The following INSR variants were observed in gnomAD, a reference collection of about 807,000 sequenced individuals.
The protein encoded by INSR is IR.
In INSR, 67 loss-of-function variants were observed where a neutral mutation model predicts 142.6. The ratio of observed to expected loss-of-function variants is 0.47; its 90% CI spans 0.39 to 0.58. The LOEUF (loss-of-function observed/expected upper bound fraction) is 0.58, where lower values mean the gene tolerates loss of function less well. INSR is among the 20% of genes least tolerant of loss of function. INSR has a pLI of 0.00. For missense variants in INSR, 1,248 were observed against 1,833.2 expected, an observed-to-expected ratio of 0.68 and a Z score of 5.83; for synonymous variants, 756 against 743.1, an observed-to-expected ratio of 1.02 and a Z score of -0.28.
chr19:7,184,684 A>G, intron 2 of INSR, 47 bp from the exon 3 acceptor site: 1 of 1,103,740 alleles, frequency 9.1e-7, no homozygotes, highest in South Asian at 2.1e-5. Flanking sequence ...ATAAATAAAT[A>G]AATAAATAAA....
intron 9 of INSR, among the ~76,000 whole-genome samples, chr19:7,153,494 A>ACACACTACATGCACACCT (rs1247806655): frequency 2.2e-4 from 26 of 116,326 alleles, no homozygotes; most frequent in Non-Finnish European, 3.0e-4. Context: ...CGCACCACAC[A>ACACACTACATGCACACCT]CACACACAGT....
intron 2 of INSR, among the ~76,000 whole-genome samples, chr19:7,217,768 C>T (rs1031595113): frequency 6.6e-6 from 1 of 152,204 alleles, no homozygotes; most frequent in African/African-American, 2.4e-5. Context: ...ACCGTGTTAG[C>T]CAGGATGGTC....
chr19:7,279,867 C>T (rs1021650966), intron 1 of INSR, among the ~76,000 whole-genome samples: 2 of 151,516 alleles, frequency 1.3e-5, no homozygotes, highest in Admixed American at 6.6e-5. Context: ...CCCAGCTACT[C>T]GGGAGGTTGA....
At chr19:7,260,912 G>A (rs535142236) in intron 2 of INSR, among the ~76,000 whole-genome samples, 16 of 149,538 alleles carry the variant, frequency 1.1e-4, no homozygotes, top group Non-Finnish European at 2.1e-4. Flanking sequence ...GAGTCTCACC[G>A]AGTCTCACTC....
rs1973933670 is a variant in INSR at position 7,168,294 on chromosome 19, C to T, written c.1484-200G>A. ...GGTAAGAGCCAGTTTTGCAACTTGGCCACTCACACTCACGTAAGCCAATGA... is the reference window on the plus strand; with the variant it reads ...GGTAAGAGCCAGTTTTGCAACTTGGTCACTCACACTCACGTAAGCCAATGA... On this transcript the variant is annotated intron_variant, in intron 6 of 21. Transcript: ENST00000302850. This position sits in a 1 kb window ranked among gnomAD's most constrained non-coding sequence, Gnocchi z 4.3. 6.6e-6 allele frequency among the ~76,000 whole-genome samples: 1 copy of T among 152,082 alleles called. No individual in the cohort carries two copies. The highest frequency in any genetic ancestry group is 2.4e-5 in the African/African-American group (1 of 41,402).
intron 2 of INSR, among the ~76,000 whole-genome samples, chr19:7,239,929 G>T (rs1349926628): frequency 1.3e-5 from 2 of 152,268 alleles, no homozygotes; most frequent in Non-Finnish European, 2.9e-5. Context: ...AGATCGCAGA[G>T]TTTTTTGTTT....
chr19:7,207,589 A>C (rs1464207041), intron 2 of INSR, among the ~76,000 whole-genome samples: 2 of 151,596 alleles, frequency 1.3e-5, no homozygotes, highest in Non-Finnish European at 2.9e-5. Context: ...CTCAAAAAAC[A>C]ACATGAGTTT....
intron 2 of INSR, among the ~76,000 whole-genome samples, chr19:7,188,283 C>T (rs1033270958): frequency 6.6e-6 from 1 of 152,136 alleles, no homozygotes; most frequent in African/African-American, 2.4e-5. Flanking sequence ...CGGGGGCTCA[C>T]ACCTATAATC....
intron 1 of INSR, among the ~76,000 whole-genome samples, chr19:7,273,555 G>A (rs1249055212): frequency 2.7e-5 from 4 of 147,642 alleles, no homozygotes; most frequent in Non-Finnish European, 6.0e-5. Context: ...GTCTTACTCT[G>A]TTGCCCAGGC....
chr19:7,231,292 TTTG>T (rs1393567395), intron 2 of INSR, among the ~76,000 whole-genome samples: 12 of 27,048 alleles, frequency 4.4e-4, no homozygotes, highest in Admixed American at 2.9e-3. Flanking sequence ...GGTGGTGTTT[TTTG>T]TTTTTTTTTT....
chr19:7,190,915 C>T (rs1027528927), intron 2 of INSR, among the ~76,000 whole-genome samples: 1 of 152,170 alleles, frequency 6.6e-6, no homozygotes, highest in Non-Finnish European at 1.5e-5. Flanking sequence ...ATTGGCATGA[C>T]TTAGTAATTC....
chr19:7,124,411 C>T (rs1389324065), intron 17 of INSR, among the ~76,000 whole-genome samples: 1 of 143,254 alleles, frequency 7.0e-6, no homozygotes, highest in African/African-American at 2.6e-5. Context: ...TGGTAGCAGG[C>T]GCCTGTAGTC....
In INSR at chr19:7,267,428, G is replaced by T; in HGVS notation, c.569C>A (p.Ala190Glu). 3 of 1,613,992 alleles carry T rather than the reference G, an allele frequency of 1.9e-6. No individual in the cohort carries two copies. Among genetic ancestry groups the T allele is most frequent in the African/African-American group, 2.7e-5 (2 of 74,974 alleles). The change falls in exon 2 of 22, where the codon GCG (alanine) becomes GAG (glutamate). Residue 190 changes from alanine to glutamate, a missense_variant. Coordinates refer to ENST00000302850, the MANE Select transcript of INSR (RefSeq NM_000208.4). The surrounding 1 kb of genome is among the most constrained non-coding windows in gnomAD (Gnocchi z 6.3). ...EECGDICPGT[A>E]KGKTNCPATV... ...GGCGGGGCAGTTGGTCTTGCCCTTC[G>T]CGGTACCCGGACAGATGTCTCCACA...
intron 1 of INSR, among the ~76,000 whole-genome samples, chr19:7,288,041 C>T (rs1968388527): frequency 6.6e-6 from 1 of 152,122 alleles, no homozygotes; most frequent in African/African-American, 2.4e-5. Flanking sequence ...GACCCCTGTT[C>T]AGATGAAGAA....
At position 7,119,679 on chromosome 19, in the gene INSR, C is replaced by T. The variant is rs367660471; in HGVS notation, c.3660-96G>A. 1.2e-4 allele frequency: 157 copies of T among 1,363,522 alleles called. No homozygotes were observed. Among genetic ancestry groups the T allele is most frequent in the Middle Eastern group, 4.9e-4 (2 of 4,074 alleles). The allele number at this position is 1,363,522 out of a possible 1,614,324, so 84.5% of individuals were successfully genotyped here. On this transcript the variant is annotated intron_variant, in intron 20 of 21. Transcript: ENST00000302850. The surrounding 1 kb of genome is among the most constrained non-coding windows in gnomAD (Gnocchi z 5.2). ...ACACACACGCAAACGCACACACACA[C>T]GCAAACACACATGCCAACACATACA...
At chr19:7,180,532 A>AG (rs1374935655) in intron 3 of INSR, among the ~76,000 whole-genome samples, 15 of 150,238 alleles carry the variant, frequency 1.0e-4, no homozygotes, top group East Asian at 3.9e-4. Flanking sequence ...CTTGTCTCAA[A>AG]AAAAAAAAAA....
Position 7,274,572 on chromosome 19 carries a change from G to A in INSR, c.101-6676C>T, listed in dbSNP as rs185663209. Among the ~76,000 whole-genome samples, 176 of 151,994 alleles carry A rather than the reference G, an allele frequency of 1.2e-3. 1 individual carries two copies. The highest frequency in any genetic ancestry group is 2.4e-3 in the African/African-American group (100 of 41,460). ...TCCCAGCACTTTGGGAGGCCGAGTC[G>A]GGTGGATCACGAGGTCAGGAGATCA... On this transcript the variant is annotated intron_variant, in intron 1 of 21. Transcript: ENST00000302850.
chr19:7,215,702 G>C (rs1046506561), intron 2 of INSR, among the ~76,000 whole-genome samples: 22 of 151,896 alleles, frequency 1.4e-4, no homozygotes. Flanking sequence ...CGAGTAGCTT[G>C]AATTACAGGC....
rs1158306511 is a variant in INSR, at chr19:7,212,692, T to TCTAC, written c.653-28056_653-28055insGTAG. Among the ~76,000 whole-genome samples, 4 of 152,196 alleles carry TCTAC rather than the reference T, an allele frequency of 2.6e-5. No homozygotes were observed. The East Asian group carries it at 7.8e-4, about 30-fold the overall frequency. Reference sequence around the variant, plus strand: ...GCTCTACCTCCCGGGTTCAAGCGATTCTCCTGCCTCAGCCTCCCAAGTAGT... The same window carrying TCTAC: ...GCTCTACCTCCCGGGTTCAAGCGATTCTACCTCCTGCCTCAGCCTCCCAAGTAGT... On this transcript the variant is annotated intron_variant, in intron 2 of 21. Transcript: ENST00000302850.
Sources: allele counts gnomAD v4.1 joint callset (sites outside exome capture counted in the v4.1 genomes callset), GRCh38; gene constraint gnomAD v4.1.1; non-coding constraint Gnocchi (gnomAD v3.1); transcripts MANE v1.5; gene names NCBI Gene and HGNC (gene_info 2026-07-23, HGNC 2026-07-21).